The following RASAL1 variants were observed in gnomAD, a reference collection of about 807,000 sequenced individuals.
The protein encoded by RASAL1 is rasGAP-activating-like protein 1.
Under a neutral mutation model 96.6 loss-of-function variants are expected in RASAL1, and 72 were observed. The observed-to-expected ratio is 0.75, with a 90% CI of 0.62 to 0.91. The LOEUF is 0.91. RASAL1 is among the 40% of genes least tolerant of loss of function. The pLI is 0.00. For synonymous variants in RASAL1, 405 were observed against 430.4 expected, an observed-to-expected ratio of 0.94 and a Z score of 0.73; for missense variants, 1,016 against 1,072.5, an observed-to-expected ratio of 0.95 and a Z score of 0.74.
rs146279215 is a variant in RASAL1, at chr12:113,116,180, AC to A, written c.732-130del. On this transcript the variant is annotated intron_variant, in intron 8 of 20. Coordinates refer to ENST00000548055, the MANE Select transcript of RASAL1 (RefSeq NM_001301202.2). ...AGGTCAGCAGTTTGTGACCAGCCTGACCAACATGGTGAAGCCCCATCTCTAC... is the reference window on the plus strand; with the variant it reads ...AGGTCAGCAGTTTGTGACCAGCCTGACAACATGGTGAAGCCCCATCTCTAC... The A allele has an allele frequency of 5.5e-3, 3,468 of 629,678 alleles. 76 individuals are homozygous for A. In the African/African-American group the frequency reaches 0.058, roughly 10 times the overall value. 39.0% of individuals were successfully genotyped at this position (629,678 alleles called of 1,614,324 possible). A position where few individuals can be genotyped will look rare whatever the true frequency, so the allele number is the denominator to read the frequency against.
At position 113,115,593 on chromosome 12, in the gene RASAL1, C is replaced by T; in HGVS notation, c.1003+42G>A. ...CCCCCAGGACCCTCCTGCAAGCCCA[C>T]CATTGAGGGCGGTGATGTCGGGGGT... On this transcript the variant is annotated intron_variant, in intron 10 of 20. Coordinates refer to ENST00000548055, the MANE Select transcript of RASAL1 (RefSeq NM_001301202.2). This position sits in a 1 kb window ranked among gnomAD's most constrained non-coding sequence, Gnocchi z 4.1. 6.2e-7 allele frequency: 1 copy of T among 1,602,756 alleles called. No homozygotes were observed.
chr12:113,131,595 G>A (rs938703909), intron 1 of RASAL1, among the ~76,000 whole-genome samples: 3 of 152,112 alleles, frequency 2.0e-5, no homozygotes, highest in Non-Finnish European at 4.4e-5. Flanking sequence ...ATCAACCCTC[G>A]AAATCTCTTA....
intron 1 of RASAL1, among the ~76,000 whole-genome samples, chr12:113,133,974 C>G (rs1033812610): frequency 6.6e-6 from 1 of 152,214 alleles, no homozygotes; most frequent in African/African-American, 2.4e-5. Flanking sequence ...CTCATGACCT[C>G]TCACCCAGGG....
chr12:113,107,057 G>A (rs1310442866), intron 15 of RASAL1, 40 bp downstream of exon 15: 2 of 1,581,084 alleles, frequency 1.3e-6, no homozygotes, highest in Non-Finnish European at 8.6e-7. Context: ...TGTCTCAACT[G>A]GGCTGAGAAG....
chr12:113,118,113 A>G (rs535989846), intron 7 of RASAL1, among the ~76,000 whole-genome samples: 1 of 152,310 alleles, frequency 6.6e-6, no homozygotes, highest in Admixed American at 6.5e-5. Flanking sequence ...AACCCCAGCT[A>G]CTTGGGAGAC....
At chr12:113,105,960 C>G in intron 15 of RASAL1, 74 bp from the exon 16 acceptor site, 1 of 1,455,188 alleles carries the variant, frequency 6.9e-7, no homozygotes, top group South Asian at 1.3e-5. Context: ...ACTAGCATGC[C>G]CAGGGAGGAC....
Position 113,107,219 on chromosome 12 carries a change from A to G in RASAL1, c.1535T>C (p.Leu512Pro). ...CTTGCCTTGGCCCAGCTGCTGGCCC[A>G]GGTTTCCAATGCTCTGCACAGCCTG... ...LAKAVQSIGN[L>P]GQQLGQGKEL... Residue 512 changes from leucine (L) to proline (P), a missense_variant, in exon 15 of 21, where the codon CTG becomes CCG. By Grantham distance (98) the Leu-to-Pro change is moderately conservative. Coordinates refer to ENST00000548055, the MANE Select transcript of RASAL1 (RefSeq NM_001301202.2). 6.2e-7 allele frequency: 1 copy of G among 1,610,868 alleles called. No individual in the cohort carries two copies.
chr12:113,134,243 G>A (rs552548430), intron 1 of RASAL1, among the ~76,000 whole-genome samples: 2 of 152,200 alleles, frequency 1.3e-5, no homozygotes, highest in Non-Finnish European at 2.9e-5. Context: ...ATGAAGGGTG[G>A]CAAAAATTGC....
At chr12:113,114,669 C>T (rs908569362) in intron 12 of RASAL1, 131 bp downstream of exon 12, 1 of 740,940 alleles carries the variant, frequency 1.3e-6, no homozygotes, top group Non-Finnish European at 2.4e-6. Flanking sequence ...AGGCTTTCAG[C>T]TCAGCCACCG....
intron 16 of RASAL1, among the ~76,000 whole-genome samples, chr12:113,105,157 G>C (rs1950602533): frequency 1.3e-5 from 2 of 152,204 alleles, no homozygotes. Context: ...CCCCATTCGG[G>C]AGATTCCAGC....
rs368185324 is a variant in RASAL1 at position 113,099,953 on chromosome 12, C to T, written c.2394G>A (p.Ala798=). Residue 798 remains alanine, a synonymous_variant, in exon 21 of 21, where the codon GCG becomes GCA. Transcript: ENST00000548055. ...EEFQQQERGK[A]ALGPLGP is the part of the protein sequence containing the mutation. ...CTTAGGGGCCAAGGGGGCCCAGGGC[C>T]GCCTTCCCTCGCTCCTGCTGCTGGA... The T allele has an allele frequency of 1.7e-4, 274 of 1,612,454 alleles. No homozygotes were observed. The highest frequency in any genetic ancestry group is 2.1e-4 in the Non-Finnish European group (247 of 1,179,234).
intron 1 of RASAL1, among the ~76,000 whole-genome samples, chr12:113,134,492 G>A (rs961401416): frequency 6.6e-6 from 1 of 152,186 alleles, no homozygotes; most frequent in Non-Finnish European, 1.5e-5. Context: ...CAACCAGATG[G>A]GGACTCCGGT....
intron 4 of RASAL1, among the ~76,000 whole-genome samples, chr12:113,122,796 A>T (rs528494920): frequency 1.4e-4 from 21 of 152,308 alleles, no homozygotes; most frequent in Middle Eastern, 6.8e-3. Context: ...TTGATTTTTT[A>T]AAATTATTTC....
intron 4 of RASAL1, among the ~76,000 whole-genome samples, chr12:113,126,004 G>T (rs1172837176): frequency 6.6e-6 from 1 of 152,224 alleles, no homozygotes; most frequent in Non-Finnish European, 1.5e-5. Context: ...CAAGGTACAG[G>T]CCGGGTGCAG....
intron 13 of RASAL1, among the ~76,000 whole-genome samples, chr12:113,110,086 C>G (rs1566045240): frequency 6.6e-6 from 1 of 152,194 alleles, no homozygotes; most frequent in East Asian, 1.9e-4. Flanking sequence ...CTTCCCTGTT[C>G]CCTGCCACAG....
At chr12:113,120,501 C>T (rs570108207) in intron 5 of RASAL1, among the ~76,000 whole-genome samples, 1 of 152,158 alleles carries the variant, frequency 6.6e-6, no homozygotes, top group East Asian at 1.9e-4. Context: ...GCTTTATGGT[C>T]ACACAGCAAG....
At position 113,119,384 on chromosome 12, in the gene RASAL1, C is replaced by A; in HGVS notation, c.488G>T (p.Gly163Val). ...CACTGAGGTCTCCAAGCTCTGGCTG[C>A]CCCAAAACACACGTGCAAATGGGTC... is the stretch of plus-strand genomic sequence containing the variant. The part of the protein sequence containing the change: ...TSDPFARVFW[G>V]SQSLETSTIK... The change falls in exon 6 of 21, where the codon GGC (glycine) becomes GTC (valine). Residue 163 changes from glycine (G) to valine (V), a missense_variant. Gly to Val is a moderately radical substitution (Grantham distance 109). Transcript: ENST00000548055. The A allele has an allele frequency of 1.2e-6, 2 of 1,612,260 alleles. No individual in the cohort carries two copies. The highest frequency in any genetic ancestry group is 1.7e-6 in the Non-Finnish European group (2 of 1,179,094).
intron 5 of RASAL1, 64 bp downstream of exon 5, chr12:113,121,445 G>C: frequency 1.2e-6 from 2 of 1,600,286 alleles, no homozygotes; most frequent in Non-Finnish European, 1.7e-6. Flanking sequence ...GGCAGCAGGG[G>C]AGACCCAGGG....
chr12:113,117,117 G>A lies in RASAL1; in HGVS notation c.687C>T (p.Gly229=). The A allele has an allele frequency of 6.2e-7, 1 of 1,610,616 alleles. No homozygotes were observed. Among genetic ancestry groups the A allele is most frequent in the Non-Finnish European group, 8.5e-7 (1 of 1,177,504 alleles). Residue 229 remains glycine (G), a synonymous_variant, in exon 8 of 21, where the codon GGC becomes GGT. Transcript: ENST00000548055. ...TGGGAAAGGGCAGGAGGCGGAACCA[G>A]CCTTTAGGTGGCTTCTGCTGGAGGG... The part of the protein sequence containing the change: ...PKTLQQKPPK[G]WFRLLPFPRA...
Sources: gnomAD v4.1 joint callset for allele counts (sites outside exome capture counted in the v4.1 genomes callset) on GRCh38, gnomAD v4.1.1 for gene constraint, Gnocchi (gnomAD v3.1) non-coding constraint, MANE v1.5 for transcripts, NCBI Gene and HGNC (gene_info 2026-07-23, HGNC 2026-07-21) for gene names.